The following OLFM4 variants were observed in gnomAD, a reference collection of about 807,000 sequenced individuals.
The protein encoded by OLFM4 is olfactomedin 4.
In OLFM4, 22 loss-of-function variants were observed where a neutral mutation model predicts 25.5. That is an observed-to-expected ratio of 0.86 (90% CI 0.62 to 1.23). OLFM4 has a LOEUF of 1.23. Ranked by LOEUF, OLFM4 falls within the 50% of genes most tolerant of loss-of-function variation. OLFM4 has a pLI of 0.00. For missense variants in OLFM4, 594 were observed against 619.4 expected, an observed-to-expected ratio of 0.96 and a Z score of 0.44; for synonymous variants, 255 against 237.7, an observed-to-expected ratio of 1.07 and a Z score of -0.67.
chr13:53,041,515 T>C (rs1205869471), intron 2 of OLFM4, among the ~76,000 whole-genome samples: 1 of 152,070 alleles, frequency 6.6e-6, no homozygotes, highest in African/African-American at 2.4e-5. Context: ...AAAAAATCTA[T>C]TGGGTGCTAG....
chr13:53,034,620 G>A (rs972776071), intron 2 of OLFM4, 120 bp downstream of exon 2: 3 of 893,270 alleles, frequency 3.4e-6, no homozygotes, highest in Non-Finnish European at 5.0e-6. Context: ...TTTATTCTAT[G>A]GTGATTTTAG....
chr13:53,042,249 A>C, intron 3 of OLFM4, 127 bp downstream of exon 3: 1 of 771,380 alleles, frequency 1.3e-6, no homozygotes, highest in Non-Finnish European at 2.2e-6. Context: ...TCATGGCCAC[A>C]TGGCATATCA....
chr13:53,043,312 G>A (rs1304367562), intron 4 of OLFM4, 48 bp downstream of exon 4: 1 of 1,453,072 alleles, frequency 6.9e-7, no homozygotes, highest in South Asian at 1.5e-5. Flanking sequence ...CCCATAAGGA[G>A]CTGTGAGTGG....
In OLFM4 at chr13:53,041,854, G is replaced by A; in HGVS notation, c.358-56G>A. On this transcript the variant is annotated intron_variant, in intron 2 of 4. Coordinates refer to ENST00000219022, the MANE Select transcript of OLFM4 (RefSeq NM_006418.5). Reference sequence around the variant, plus strand: ...TCAACTCAAGGGCTCGGTAGTGGAAGAAGATGGTGTGATACTACTCAGGGA... The same window carrying A: ...TCAACTCAAGGGCTCGGTAGTGGAAAAAGATGGTGTGATACTACTCAGGGA... 4 of 1,251,210 alleles carry A rather than the reference G, an allele frequency of 3.2e-6. No homozygotes were observed. The South Asian group carries it at 4.9e-5, about 15-fold the overall frequency. The allele number at this position is 1,251,210 out of a possible 1,614,324, so 77.5% of individuals were successfully genotyped here. A position where few individuals can be genotyped will look rare whatever the true frequency, so the allele number is the denominator to read the frequency against.
intron 2 of OLFM4, among the ~76,000 whole-genome samples, chr13:53,038,822 C>A (rs1954673015): frequency 6.6e-6 from 1 of 152,230 alleles, no homozygotes; most frequent in South Asian, 2.1e-4. Flanking sequence ...GTGAAAAGTT[C>A]ATATGAATGA....
At position 53,050,407 on chromosome 13, in the gene OLFM4, A is replaced by G. The variant is rs1954740695; in HGVS notation, c.1169A>G (p.Asn390Ser). 3 of 1,614,058 alleles carry G rather than the reference A, an allele frequency of 1.9e-6. No homozygotes were observed. Among genetic ancestry groups the G allele is most frequent in the Non-Finnish European group, 1.7e-6 (2 of 1,179,974 alleles). Residue 390 changes from asparagine to serine, a missense_variant, in exon 5 of 5, where the codon AAT becomes AGT. Asn to Ser is a conservative substitution (Grantham distance 46). Coordinates refer to ENST00000219022, the MANE Select transcript of OLFM4 (RefSeq NM_006418.5). ...WQDIDFAVDE[N>S]GLWVIYSTEA... is the part of the protein sequence containing the mutation. ...GATATTGACTTTGCTGTGGATGAGA[A>G]TGGATTGTGGGTTATTTATTCAACT...
At chr13:53,045,468 G>T (rs2138240532) in intron 4 of OLFM4, among the ~76,000 whole-genome samples, 1 of 152,108 alleles carries the variant, frequency 6.6e-6, no homozygotes, top group East Asian at 1.9e-4. Context: ...TCTTTCACTT[G>T]CTCTCTTTCT....
chr13:53,031,202 CT>C (rs373922701), intron 1 of OLFM4, among the ~76,000 whole-genome samples: 2,039 of 151,602 alleles, frequency 0.013, 40 homozygotes, highest in African/African-American at 0.045. Flanking sequence ...ACAACTCCAA[CT>C]TTTTTTTTAT....
intron 1 of OLFM4, among the ~76,000 whole-genome samples, chr13:53,030,041 T>G (rs1954620909): frequency 6.6e-6 from 1 of 152,146 alleles, no homozygotes; most frequent in African/African-American, 2.4e-5. Flanking sequence ...CTTCTCTCTC[T>G]AAGCCTCTAG....
intron 1 of OLFM4, among the ~76,000 whole-genome samples, chr13:53,030,273 G>A (rs1023940262): frequency 1.3e-5 from 2 of 152,136 alleles, no homozygotes; most frequent in African/African-American, 4.8e-5. Context: ...ACTAGGTTAA[G>A]TACATAATAT....
intron 2 of OLFM4, among the ~76,000 whole-genome samples, chr13:53,038,511 A>G (rs1013259606): frequency 3.9e-5 from 6 of 152,158 alleles, no homozygotes; most frequent in Non-Finnish European, 8.8e-5. Context: ...TTATAATACA[A>G]TGGTAAGTTT....
chr13:53,029,532 T>C (rs566353456), intron 1 of OLFM4, among the ~76,000 whole-genome samples: 4 of 152,268 alleles, frequency 2.6e-5, no homozygotes, highest in South Asian at 4.1e-4. Context: ...TGGTGAACAG[T>C]AGCCCTCGAG....
chr13:53,043,065 C>A, intron 3 of OLFM4, 40 bp from the exon 4 acceptor site: 1 of 1,486,884 alleles, frequency 6.7e-7, no homozygotes. Flanking sequence ...AAAGAAATTG[C>A]ACCATAATAT....
Position 53,050,733 on chromosome 13 carries a change from C to A in OLFM4, c.1495C>A (p.Leu499Met). The stretch of plus-strand genomic sequence containing the variant: ...TTATGTCTATAACGATGGTTACCTT[C>A]TGAATTATGATCTTTCTGTCTTGCA... ...KLYVYNDGYL[L>M]NYDLSVLQKP... Residue 499 changes from leucine to methionine, a missense_variant, in exon 5 of 5, where the codon CTG becomes ATG. Physicochemically the swap from Leu to Met is conservative, Grantham distance 15. Coordinates refer to ENST00000219022, the MANE Select transcript of OLFM4 (RefSeq NM_006418.5). 1.2e-6 allele frequency: 2 copies of A among 1,607,150 alleles called. No individual in the cohort carries two copies. Among genetic ancestry groups the A allele is most frequent in the Non-Finnish European group, 1.7e-6 (2 of 1,177,342 alleles).
chr13:53,033,791 T>C (rs1234294308), intron 1 of OLFM4, among the ~76,000 whole-genome samples: 2 of 152,142 alleles, frequency 1.3e-5, no homozygotes, highest in Non-Finnish European at 1.5e-5. Context: ...CCGGGCGCGG[T>C]GGCTCACGCC....
intron 2 of OLFM4, among the ~76,000 whole-genome samples, chr13:53,040,326 A>G (rs1348256417): frequency 2.0e-5 from 3 of 152,248 alleles, no homozygotes; most frequent in Non-Finnish European, 4.4e-5. Context: ...TCTGATTGCA[A>G]TAATCAGTTC....
chr13:53,045,488 G>T (rs549969843), intron 4 of OLFM4, among the ~76,000 whole-genome samples: 3 of 152,262 alleles, frequency 2.0e-5, no homozygotes, highest in Admixed American at 2.0e-4. Flanking sequence ...TGTTTGGATT[G>T]GTTGATAATG....
In OLFM4 at chr13:53,043,546, A is replaced by G. The variant is rs547680602; in HGVS notation, c.730+282A>G. Among the ~76,000 whole-genome samples, 3 of 152,216 alleles carry G rather than the reference A, an allele frequency of 2.0e-5. No individual in the cohort carries two copies. The East Asian group carries it at 5.8e-4, about 29-fold the overall frequency. ...ACGTATTCTCTTTGCATTTTCTAAC[A>G]GGGAACAAAAATCTCTATGGTGATG... On this transcript the variant is annotated intron_variant, in intron 4 of 4. Coordinates refer to ENST00000219022, the MANE Select transcript of OLFM4 (RefSeq NM_006418.5).
At chr13:53,041,521 G>A (rs936916880) in intron 2 of OLFM4, among the ~76,000 whole-genome samples, 2 of 152,114 alleles carry the variant, frequency 1.3e-5, no homozygotes. Context: ...TCTATTGGGT[G>A]CTAGGTTTAG....
Sources: allele counts gnomAD v4.1 joint callset (sites outside exome capture counted in the v4.1 genomes callset), GRCh38; gene constraint gnomAD v4.1.1; transcripts MANE v1.5; gene names NCBI Gene and HGNC (gene_info 2026-07-23, HGNC 2026-07-21).